SAMD7: variants seen among roughly 807,000 people sequenced by gnomAD.
SAMD7 encodes sterile alpha motif domain-containing protein 7.
A neutral mutation model predicts 36.7 loss-of-function variants in SAMD7; 34 were observed. The observed-to-expected ratio is 0.93, with a 90% confidence interval of 0.71 to 1.23. SAMD7 has a LOEUF of 1.23. Among genes scored for constraint, SAMD7 ranks in the 50% most tolerant of loss-of-function variants. The pLI is 0.00. For synonymous variants in SAMD7, 188 were observed against 189.7 expected, an observed-to-expected ratio of 0.99 and a Z score of 0.07; for missense variants, 570 against 546.6, an observed-to-expected ratio of 1.04 and a Z score of -0.43.
chr3:169,919,207 A>G (rs16854614), intron 2 of SAMD7, among the ~76,000 whole-genome samples: 3,586 of 152,234 alleles, frequency 0.024, 111 homozygotes, highest in African/African-American at 0.072. Flanking sequence ...TGCAAGGCTG[A>G]TTTAATTTTA....
intron 7 of SAMD7, among the ~76,000 whole-genome samples, chr3:169,928,838 A>G (rs1388495835): frequency 6.6e-6 from 1 of 152,162 alleles, no homozygotes; most frequent in Non-Finnish European, 1.5e-5. Context: ...AGAAGTAGGA[A>G]TTCTCCCAAA....
At chr3:169,917,478 G>C (rs952060500) in intron 2 of SAMD7, among the ~76,000 whole-genome samples, 3 of 151,330 alleles carry the variant, frequency 2.0e-5, no homozygotes, top group African/African-American at 4.9e-5. Flanking sequence ...ATATACTTAC[G>C]GGGGCACATG....
intron 7 of SAMD7, among the ~76,000 whole-genome samples, 157 bp downstream of exon 7, chr3:169,928,735 G>C (rs188672931): frequency 6.6e-6 from 1 of 152,280 alleles, no homozygotes; most frequent in Admixed American, 6.5e-5. Context: ...GTCTCTGATT[G>C]GTGGAACTTG....
chr3:169,921,661 G>A (rs1170284182), intron 4 of SAMD7, among the ~76,000 whole-genome samples: 1 of 152,232 alleles, frequency 6.6e-6, no homozygotes, highest in African/African-American at 2.4e-5. Context: ...GCTTAAGGCA[G>A]TTTACATGGG....
intron 7 of SAMD7, chr3:169,932,676 G>A (rs1713549642): frequency 3.6e-6 from 2 of 556,116 alleles, no homozygotes; most frequent in Admixed American, 2.0e-5. Context: ...GTCACACTTT[G>A]GCTTCCAGAT....
At chr3:169,918,696 A>G (rs1333867800) in intron 2 of SAMD7, among the ~76,000 whole-genome samples, 1 of 152,214 alleles carries the variant, frequency 6.6e-6, no homozygotes. Context: ...ATCCCTTCTA[A>G]TTAGATATAC....
chr3:169,915,537 C>G (rs549106477), intron 2 of SAMD7, 96 bp downstream of exon 2: 19 of 146,908 alleles, frequency 1.3e-4, no homozygotes, highest in Non-Finnish European at 2.7e-4. Context: ...TTGTCTCAGA[C>G]ATCACATAGG....
intron 2 of SAMD7, among the ~76,000 whole-genome samples, chr3:169,918,008 G>A (rs927195985): frequency 1.3e-5 from 2 of 151,816 alleles, no homozygotes; most frequent in African/African-American, 4.8e-5. Context: ...CGCCATCTCA[G>A]CTCAACGCAA....
At chr3:169,929,070 C>T (rs1713388093) in intron 7 of SAMD7, among the ~76,000 whole-genome samples, 1 of 152,138 alleles carries the variant, frequency 6.6e-6, no homozygotes, top group Non-Finnish European at 1.5e-5. Flanking sequence ...TGTATTTATG[C>T]TGGGACAATA....
At chr3:169,934,785 A>C (rs1289143531) in intron 7 of SAMD7, among the ~76,000 whole-genome samples, 1 of 152,226 alleles carries the variant, frequency 6.6e-6, no homozygotes, top group Non-Finnish European at 1.5e-5. Context: ...AGCAAAGCTG[A>C]AATGAATCAG....
intron 7 of SAMD7, among the ~76,000 whole-genome samples, chr3:169,934,599 T>A (rs1197893212): frequency 6.6e-6 from 1 of 152,196 alleles, no homozygotes; most frequent in Non-Finnish European, 1.5e-5. Flanking sequence ...GGGGACAGAA[T>A]CTGTGCTTTT....
intron 5 of SAMD7, among the ~76,000 whole-genome samples, chr3:169,925,699 C>A (rs1713230625): frequency 6.6e-6 from 1 of 152,162 alleles, no homozygotes; most frequent in Non-Finnish European, 1.5e-5. Context: ...GTGCTCCAGC[C>A]TGGGCAACAG....
chr3:169,912,839 A>G (rs1457665820), intron 1 of SAMD7, among the ~76,000 whole-genome samples: 1 of 152,206 alleles, frequency 6.6e-6, no homozygotes, highest in African/African-American at 2.4e-5. Context: ...TTCGGTATGA[A>G]CTGTCTTTCT....
At chr3:169,927,528 C>G (rs1451867573) in intron 6 of SAMD7, among the ~76,000 whole-genome samples, 1 of 151,956 alleles carries the variant, frequency 6.6e-6, no homozygotes, top group African/African-American at 2.4e-5. Flanking sequence ...ATCTCCTGAC[C>G]TCGTGATCCG....
chr3:169,915,619 C>T (rs1712764390), intron 2 of SAMD7, among the ~76,000 whole-genome samples, 178 bp downstream of exon 2: 1 of 106,500 alleles, frequency 9.4e-6, no homozygotes, highest in South Asian at 3.3e-4. Context: ...GAATCTCCCT[C>T]TGTTGCCCAG....
chr3:169,927,261 A>C, intron 6 of SAMD7, 80 bp downstream of exon 6: 1 of 871,808 alleles, frequency 1.1e-6, no homozygotes, highest in East Asian at 2.8e-5. Context: ...ATAAACTGTA[A>C]CCATCCTGCC....
At chr3:169,916,999 C>T (rs1712833344) in intron 2 of SAMD7, among the ~76,000 whole-genome samples, 1 of 152,168 alleles carries the variant, frequency 6.6e-6, no homozygotes, top group Non-Finnish European at 1.5e-5. Context: ...TTATTCTAAT[C>T]CTGACTGTGT....
At chr3:169,929,260 T>C (rs1713397112) in intron 7 of SAMD7, among the ~76,000 whole-genome samples, 1 of 152,142 alleles carries the variant, frequency 6.6e-6, no homozygotes, top group Non-Finnish European at 1.5e-5. Flanking sequence ...ATGCATTTAG[T>C]TTACTTTTTT....
intron 7 of SAMD7, among the ~76,000 whole-genome samples, chr3:169,935,942 T>A (rs1713699000): frequency 6.6e-6 from 1 of 152,208 alleles, no homozygotes. Context: ...AATTTATCCA[T>A]AACAGGTTTT....
Sources: gnomAD v4.1 joint callset for allele counts (sites outside exome capture counted in the v4.1 genomes callset) on GRCh38, gnomAD v4.1.1 for gene constraint, MANE v1.5 for transcripts, NCBI Gene and HGNC (gene_info 2026-07-23, HGNC 2026-07-21) for gene names.